Variants in CDH20 observed in about 807,000 individuals in gnomAD.
CDH20 encodes the protein cadherin 20.
CDH20 carries 29 observed loss-of-function variants against 74.2 expected under a neutral mutation model. The observed-to-expected ratio is 0.39, with a 90% CI of 0.29 to 0.53. The LOEUF is 0.53. CDH20 is among the 20% of genes least tolerant of loss of function. The pLI, the probability that CDH20 is intolerant of heterozygous loss-of-function variation, is 0.69. For synonymous variants in CDH20, 469 were observed against 405.4 expected (o/e 1.16, Z -1.88); for missense variants, 988 against 1,048.3 (o/e 0.94, Z 0.79).
intron 1 of CDH20, among the ~76,000 whole-genome samples, chr18:61,434,978 T>C (rs547926487): frequency 6.6e-6 from 1 of 152,270 alleles, no homozygotes; most frequent in Admixed American, 6.5e-5. Flanking sequence ...TATGACAGTG[T>C]CTGGGGACAG....
At chr18:61,364,546 A>G (rs1329997816) in intron 1 of CDH20, among the ~76,000 whole-genome samples, 3 of 152,184 alleles carry the variant, frequency 2.0e-5, no homozygotes, top group Non-Finnish European at 4.4e-5. Flanking sequence ...TCCCAACCTC[A>G]GGTGATCTGC....
chr18:61,442,025 G>A (rs1909048850), intron 1 of CDH20, among the ~76,000 whole-genome samples: 1 of 152,058 alleles, frequency 6.6e-6, no homozygotes. Context: ...AAATCTTTTA[G>A]TATTTTATAG....
rs1165554523 is a variant in CDH20, at chr18:61,353,693, C to T, written c.-153+19866C>T. ...CGACCAACTCCAAACCCACTGAGAT[C>T]ACTCTTGATCTTGGCCTGCACTAGC... On this transcript the variant is annotated intron_variant, in intron 1 of 11. Coordinates refer to ENST00000262717, the MANE Select transcript of CDH20 (RefSeq NM_031891.4). This position sits in a 1 kb window ranked among gnomAD's most constrained non-coding sequence, Gnocchi z 4.6. Among the ~76,000 whole-genome samples, 1 of 152,186 alleles carries T rather than the reference C, an allele frequency of 6.6e-6. No individual in the cohort carries two copies. The highest frequency in any genetic ancestry group is 1.5e-5 in the Non-Finnish European group (1 of 68,032).
chr18:61,471,976 T>C (rs1381257185), intron 1 of CDH20, among the ~76,000 whole-genome samples: 1 of 152,140 alleles, frequency 6.6e-6, no homozygotes, highest in African/African-American at 2.4e-5. Flanking sequence ...CCACTAGATA[T>C]TTTCAGCTGT....
chr18:61,492,694 G>A (rs1408915542), intron 2 of CDH20, among the ~76,000 whole-genome samples: 1 of 152,140 alleles, frequency 6.6e-6, no homozygotes, highest in Admixed American at 6.5e-5. Context: ...CTTCTCTCAT[G>A]ACTTCCTTGG....
intron 1 of CDH20, among the ~76,000 whole-genome samples, chr18:61,428,280 A>C (rs1192592960): frequency 7.2e-5 from 11 of 152,144 alleles, no homozygotes; most frequent in Non-Finnish European, 1.5e-4. Context: ...CTCTGTTTTT[A>C]CCCATGCTAC....
chr18:61,359,445 CT>C (rs1910613998), intron 1 of CDH20, among the ~76,000 whole-genome samples: 1 of 151,870 alleles, frequency 6.6e-6, no homozygotes, highest in Non-Finnish European at 1.5e-5. Flanking sequence ...GCTTAGAAAT[CT>C]TTTTCCCTTT....
At chr18:61,344,773 C>A (rs1380668039) in intron 1 of CDH20, among the ~76,000 whole-genome samples, 1 of 152,110 alleles carries the variant, frequency 6.6e-6, no homozygotes, top group East Asian at 1.9e-4. Context: ...CCTAGGTCTC[C>A]AGACTGGAAG....
At chr18:61,475,090 G>A (rs564144683) in intron 1 of CDH20, among the ~76,000 whole-genome samples, 3 of 152,200 alleles carry the variant, frequency 2.0e-5, no homozygotes, top group East Asian at 3.9e-4. Context: ...TGAGTGGTCC[G>A]ATAAGATCAC....
At chr18:61,503,950 T>C (rs965224925) in intron 5 of CDH20, among the ~76,000 whole-genome samples, 2 of 152,166 alleles carry the variant, frequency 1.3e-5, no homozygotes, top group Non-Finnish European at 2.9e-5. Flanking sequence ...GGCACTATTC[T>C]ATGAATGGAA....
At chr18:61,455,854 A>G (rs1483367102) in intron 1 of CDH20, among the ~76,000 whole-genome samples, 1 of 152,252 alleles carries the variant, frequency 6.6e-6, no homozygotes, top group Non-Finnish European at 1.5e-5. Context: ...AATGACATCA[A>G]AATGATGAAC....
chr18:61,361,284 T>G (rs1910685328), intron 1 of CDH20, among the ~76,000 whole-genome samples: 1 of 152,194 alleles, frequency 6.6e-6, no homozygotes, highest in African/African-American at 2.4e-5. Context: ...CAGATACCTT[T>G]GCTGTATGTG....
At chr18:61,518,237 C>T (rs1912075679) in intron 6 of CDH20, among the ~76,000 whole-genome samples, 1 of 152,208 alleles carries the variant, frequency 6.6e-6, no homozygotes, top group East Asian at 1.9e-4. Flanking sequence ...CTGAAGACAG[C>T]AGTGAATCTC....
intron 1 of CDH20, among the ~76,000 whole-genome samples, chr18:61,393,451 G>T (rs1172860278): frequency 6.6e-6 from 1 of 152,192 alleles, no homozygotes; most frequent in Non-Finnish European, 1.5e-5. Context: ...TTTCTCCCAG[G>T]TAGGCTACTC....
chr18:61,500,317 G>A (rs529808904), intron 3 of CDH20, 66 bp from the exon 4 acceptor site: 33 of 1,539,034 alleles, frequency 2.1e-5, no homozygotes, highest in Admixed American at 5.6e-5. Context: ...AAGATGGACC[G>A]CTCAGGATTG....
At chr18:61,496,028 C>T (rs1323917356) in intron 2 of CDH20, among the ~76,000 whole-genome samples, 3 of 127,336 alleles carry the variant, frequency 2.4e-5, no homozygotes, top group Non-Finnish European at 5.2e-5. Context: ...CCTTCCTCTC[C>T]CACCTCTCTC....
intron 1 of CDH20, among the ~76,000 whole-genome samples, chr18:61,399,201 T>A (rs2144221967): frequency 6.6e-6 from 1 of 152,278 alleles, no homozygotes; most frequent in Non-Finnish European, 1.5e-5. Flanking sequence ...CACATTGGGT[T>A]TTCAGTGGGG....
chr18:61,382,675 C>T (rs547079991), intron 1 of CDH20, among the ~76,000 whole-genome samples: 167 of 152,248 alleles, frequency 1.1e-3, no homozygotes, highest in African/African-American at 3.9e-3. Context: ...TGATGGTACA[C>T]AATTCTAATA....
At chr18:61,362,634 AG>A (rs1164546364) in intron 1 of CDH20, among the ~76,000 whole-genome samples, 1 of 152,190 alleles carries the variant, frequency 6.6e-6, no homozygotes. Flanking sequence ...AGAGCAAGAA[AG>A]CAACAATTCT....
Sources: gnomAD v4.1 joint callset for allele counts (sites outside exome capture counted in the v4.1 genomes callset) on GRCh38, gnomAD v4.1.1 for gene constraint, Gnocchi (gnomAD v3.1) non-coding constraint, MANE v1.5 for transcripts, NCBI Gene and HGNC (gene_info 2026-07-23, HGNC 2026-07-21) for gene names.